The following GPI variants were observed in gnomAD, a reference collection of about 807,000 sequenced individuals.
GPI encodes the protein D-hexose-6-phosphate anomerase.
A neutral mutation model predicts 75.8 loss-of-function variants in GPI; 56 were observed. The ratio of observed to expected loss-of-function variants is 0.74; its 90% confidence interval spans 0.60 to 0.92. GPI has a LOEUF of 0.92. Ranked by LOEUF, GPI falls within the 40% of genes least tolerant of loss-of-function variation. The pLI, the probability that GPI is intolerant of heterozygous loss-of-function variation, is 0.00. For synonymous variants in GPI, 288 were observed against 285.4 expected (o/e 1.01, Z -0.09); for missense variants, 638 against 741.0 (o/e 0.86, Z 1.61).
chr19:34,396,491 A>G (rs1314042977), intron 13 of GPI, 61 bp downstream of exon 13: 4 of 1,612,804 alleles, frequency 2.5e-6, no homozygotes, highest in Non-Finnish European at 3.4e-6. Context: ...TCCAGAAGAG[A>G]TATCTCACTT....
At chr19:34,376,529 A>T (rs942981250) in intron 4 of GPI, among the ~76,000 whole-genome samples, 2 of 146,652 alleles carry the variant, frequency 1.4e-5, no homozygotes, top group African/African-American at 5.1e-5. Flanking sequence ...GTGCCGTTGT[A>T]CTCCAGCCTG....
chr19:34,377,927 G>A (rs1333754366), intron 6 of GPI, 46 bp downstream of exon 6: 9 of 1,601,802 alleles, frequency 5.6e-6, no homozygotes, highest in Non-Finnish European at 6.8e-6. Context: ...GTGTGTGTTG[G>A]GGTGGGGAGG....
chr19:34,377,913 C>A, intron 6 of GPI, 32 bp downstream of exon 6: 1 of 1,612,666 alleles, frequency 6.2e-7, no homozygotes, highest in Non-Finnish European at 8.5e-7. Flanking sequence ...CGGCCCCTGG[C>A]CCTGTGTGTG....
chr19:34,365,245 C>G lies in GPI; in HGVS notation c.-22C>G, dbSNP rs1299534538. ...CTTCCTCCTCGGCTCGCGTCTCACT[C>G]AGTGTACCTTCTAGTCCCGCCATGG... On this transcript the variant is annotated 5_prime_UTR_variant, in exon 1 of 18. Coordinates refer to ENST00000356487, the MANE Select transcript of GPI (RefSeq NM_000175.5). The G allele has an allele frequency of 6.5e-6, 10 of 1,533,372 alleles. No homozygotes were observed. The highest frequency in any genetic ancestry group is 4.3e-5 in the African/African-American group (3 of 70,098). The allele number at this position is 1,533,372 out of a possible 1,614,324, so 95.0% of individuals were successfully genotyped here.
chr19:34,365,221 TTCCTC>T lies in GPI; in HGVS notation c.-45_-41del. The T allele has an allele frequency of 7.0e-7, 1 of 1,438,632 alleles. No individual in the cohort carries two copies. Among genetic ancestry groups the T allele is most frequent in the Non-Finnish European group, 9.2e-7 (1 of 1,088,972 alleles). The allele number at this position is 1,438,632 out of a possible 1,614,324, so 89.1% of individuals were successfully genotyped here. A position where few individuals can be genotyped will look rare whatever the true frequency, so the allele number is the denominator to read the frequency against. On this transcript the variant is annotated 5_prime_UTR_variant, in exon 1 of 18. Coordinates refer to ENST00000356487, the MANE Select transcript of GPI (RefSeq NM_000175.5). ...GCTTGCTGCGCGCTGCCGGCGCTCC[TTCCTC>T]CTCGGCTCGCGTCTCACTCAGTGTA...
At position 34,400,430 on chromosome 19, in the gene GPI, C is replaced by G; in HGVS notation, c.*394C>G. 1.7e-6 allele frequency: 1 copy of G among 589,026 alleles called. No individual in the cohort carries two copies. The highest frequency in any genetic ancestry group is 3.0e-6 in the Non-Finnish European group (1 of 333,374). 36.5% of individuals were successfully genotyped at this position (589,026 alleles called of 1,614,324 possible). The stretch of plus-strand genomic sequence containing the variant: ...GACGCAGGCTGTGCCTCTGCGGACA[C>G]TTAACACTAAGTGGTGAGCGGGTCT... On this transcript the variant is annotated 3_prime_UTR_variant, in exon 18 of 18. Coordinates refer to ENST00000356487, the MANE Select transcript of GPI (RefSeq NM_000175.5).
chr19:34,395,622 G>A (rs1016600553), intron 12 of GPI, among the ~76,000 whole-genome samples: 2 of 152,152 alleles, frequency 1.3e-5, no homozygotes, highest in Non-Finnish European at 2.9e-5. Context: ...GACCGATTTT[G>A]TCTTTAGGGA....
chr19:34,401,464 G>C lies in GPI; in HGVS notation c.*1428G>C, dbSNP rs34641040. On this transcript the variant is annotated 3_prime_UTR_variant, in exon 18 of 18. Transcript: ENST00000356487. Reference sequence around the variant, plus strand: ...TCTCGATCTCCTGACCTCGTGATCCGCCCGCCTCAGCCTCCCAAAGTGCTG... The same window carrying C: ...TCTCGATCTCCTGACCTCGTGATCCCCCCGCCTCAGCCTCCCAAAGTGCTG... The C allele has an allele frequency of 2.4e-3, 371 of 152,124 alleles. No individual in the cohort carries two copies. The highest frequency in any genetic ancestry group is 4.0e-3 in the Non-Finnish European group (275 of 68,026). The allele number at this position is 152,124 out of a possible 1,614,324, so 9.4% of individuals were successfully genotyped here.
chr19:34,374,847 A>G (rs117859759), intron 4 of GPI, among the ~76,000 whole-genome samples: 2,208 of 150,296 alleles, frequency 0.015, 23 homozygotes, highest in South Asian at 0.026. Context: ...CCCCACCTCA[A>G]CCTTCTAAGT....
chr19:34,366,679 G>A (rs1244181181), intron 2 of GPI, 104 bp from the exon 3 acceptor site: 14 of 836,232 alleles, frequency 1.7e-5, no homozygotes, highest in Non-Finnish European at 8.4e-6. Flanking sequence ...GACAGCAGCC[G>A]TCTGTCTGTC....
rs752455390 is a variant in GPI at position 34,365,232 on chromosome 19, C to T, written c.-35C>T. 5.5e-6 allele frequency: 8 copies of T among 1,466,040 alleles called. No individual in the cohort carries two copies. In the South Asian group the frequency reaches 5.6e-5, roughly 10 times the overall value. 90.8% of individuals were successfully genotyped at this position (1,466,040 alleles called of 1,614,324 possible). On this transcript the variant is annotated 5_prime_UTR_variant, in exon 1 of 18. Transcript: ENST00000356487. ...GCTGCCGGCGCTCCTTCCTCCTCGGCTCGCGTCTCACTCAGTGTACCTTCT... is the reference window on the plus strand; with the variant it reads ...GCTGCCGGCGCTCCTTCCTCCTCGGTTCGCGTCTCACTCAGTGTACCTTCT...
rs1169701523 is a variant in GPI, at chr19:34,377,301, C to CA, written c.403-166dup. ...TGGGCAACAGAGCAAGGCTTCATCT[C>CA]AAAAAAAAAAAAAAAAAAAAAAAAA... On this transcript the variant is annotated intron_variant, in intron 4 of 17. Transcript: ENST00000356487. Among the ~76,000 whole-genome samples the CA allele has an allele frequency of 7.8e-4, 12 of 15,468 alleles. 3 individuals are homozygous for CA. Among genetic ancestry groups the CA allele is most frequent in the Admixed American group, 1.5e-3 (1 of 684 alleles). The allele number at this position is 15,468 out of a possible 152,430, so 10.1% of individuals were successfully genotyped here.
chr19:34,366,088 C>G (rs2074359359), intron 1 of GPI: 1 of 679,436 alleles, frequency 1.5e-6, no homozygotes, highest in Admixed American at 2.0e-5. Flanking sequence ...GGGTGGTCCC[C>G]CACTTCAGTC....
intron 9 of GPI, among the ~76,000 whole-genome samples, chr19:34,386,589 A>C (rs77064466): frequency 6.6e-6 from 1 of 152,218 alleles, no homozygotes; most frequent in South Asian, 2.1e-4. Context: ...AGCCTGAAGA[A>C]CCAGAGTTGA....
intron 9 of GPI, among the ~76,000 whole-genome samples, chr19:34,382,464 A>G (rs1194261759): frequency 2.6e-5 from 4 of 152,190 alleles, no homozygotes; most frequent in Non-Finnish European, 4.4e-5. Flanking sequence ...TCTTTCTAGA[A>G]TGAGACTAGT....
Position 34,365,393 on chromosome 19 carries a change from G to A in GPI, c.122+5G>A. On this transcript the variant is annotated splice_donor_5th_base_variant and intron_variant, in intron 1 of 17. Transcript: ENST00000356487. Reference sequence around the variant, plus strand: ...GGACCGCTTCAACCACTTCAGGTGCGGGCGGGCCGGAGGCGGGGGCTGCCA... The same window carrying A: ...GGACCGCTTCAACCACTTCAGGTGCAGGCGGGCCGGAGGCGGGGGCTGCCA... The A allele has an allele frequency of 1.9e-6, 3 of 1,573,104 alleles. No individual in the cohort carries two copies. Among genetic ancestry groups the A allele is most frequent in the African/African-American group, 1.4e-5 (1 of 71,364 alleles).
Position 34,368,607 on chromosome 19 carries a change from C to T in GPI, c.307C>T (p.Leu103=). Residue 103 remains leucine, a synonymous_variant, in exon 4 of 18, where the codon CTG becomes TTG. Coordinates refer to ENST00000356487, the MANE Select transcript of GPI (RefSeq NM_000175.5). The part of the protein sequence containing the change: ...TEGRAVLHVA[L]RNRSNTPILV... ...GGGTCGAGCCGTGCTGCACGTGGCT[C>T]TGCGGAACCGGTCAAACACACCCAT... The T allele has an allele frequency of 6.2e-7, 1 of 1,614,180 alleles. No individual in the cohort carries two copies. The highest frequency in any genetic ancestry group is 8.5e-7 in the Non-Finnish European group (1 of 1,180,008).
At position 34,402,210 on chromosome 19, in the gene GPI, G is replaced by T. The variant is rs1483803314; in HGVS notation, c.*2174G>T. On this transcript the variant is annotated 3_prime_UTR_variant, in exon 18 of 18. Transcript: ENST00000356487. ...GTGATAGGATCCCACTGAGGCCAGA[G>T]AATAGGGTCTGGAGACAAAGGAGCA... 6.6e-6 allele frequency: 1 copy of T among 152,086 alleles called. No homozygotes were observed. Among genetic ancestry groups the T allele is most frequent in the African/African-American group, 2.4e-5 (1 of 41,420 alleles). 9.4% of individuals were successfully genotyped at this position (152,086 alleles called of 1,614,324 possible).
chr19:34,386,364 G>T (rs2074735055), intron 9 of GPI, among the ~76,000 whole-genome samples: 1 of 151,382 alleles, frequency 6.6e-6, no homozygotes, highest in South Asian at 2.1e-4. Context: ...CCTTTCAGGT[G>T]TGGTCTGAGA....
Sources: gnomAD v4.1 joint callset for allele counts (sites outside exome capture counted in the v4.1 genomes callset) on GRCh38, gnomAD v4.1.1 for gene constraint, MANE v1.5 for transcripts, NCBI Gene and HGNC (gene_info 2026-07-23, HGNC 2026-07-21) for gene names.